The following PCSK2 variants were observed in gnomAD, a reference collection of about 807,000 sequenced individuals.
PCSK2 encodes neuroendocrine convertase 2.
Under a neutral mutation model 69.7 loss-of-function variants are expected in PCSK2, and 14 were observed. The ratio of observed to expected loss-of-function variants is 0.20; its 90% confidence interval spans 0.13 to 0.31. The LOEUF (loss-of-function observed/expected upper bound fraction) is 0.31, where lower values mean the gene tolerates loss of function less well. Among genes scored for constraint, PCSK2 ranks in the 10% least tolerant of loss-of-function variants. The pLI is 1.00. For synonymous variants in PCSK2, 307 were observed against 320.7 expected (o/e 0.96, Z 0.46); for missense variants, 544 against 842.5 (o/e 0.65, Z 4.39).
At chr20:17,367,424 A>T (rs1406463269) in intron 4 of PCSK2, among the ~76,000 whole-genome samples, 2 of 152,262 alleles carry the variant, frequency 1.3e-5, no homozygotes, top group African/African-American at 4.8e-5. Context: ...TTTCAAATAC[A>T]TGGAAACCAA....
intron 2 of PCSK2, among the ~76,000 whole-genome samples, chr20:17,303,440 AT>A (rs1266704641): frequency 1.6e-5 from 1 of 61,054 alleles, no homozygotes; most frequent in Admixed American, 2.0e-4. Flanking sequence ...AATATATAAT[AT>A]AATATATATT....
intron 5 of PCSK2, among the ~76,000 whole-genome samples, chr20:17,403,367 G>C (rs985351543): frequency 1.3e-5 from 2 of 152,208 alleles, no homozygotes; most frequent in African/African-American, 4.8e-5. Flanking sequence ...CGTTAAACCA[G>C]TGCATGTGGG....
chr20:17,464,224 G>A (rs2033061225), intron 10 of PCSK2: 1 of 152,114 alleles, frequency 6.6e-6, no homozygotes, highest in African/African-American at 2.4e-5. Flanking sequence ...GATCTTCAAT[G>A]CCCCTAGGAG....
chr20:17,339,405 T>C (rs1005650645), intron 2 of PCSK2, among the ~76,000 whole-genome samples: 5 of 152,204 alleles, frequency 3.3e-5, no homozygotes, highest in African/African-American at 1.2e-4. Context: ...ATTGAGCTCA[T>C]GATCCGTCGA....
chr20:17,266,840 CAT>C (rs1227628652), intron 2 of PCSK2, among the ~76,000 whole-genome samples: 1 of 152,094 alleles, frequency 6.6e-6, no homozygotes, highest in Non-Finnish European at 1.5e-5. Context: ...TCAAAGGAAA[CAT>C]AGTCTTAGGT....
intron 2 of PCSK2, among the ~76,000 whole-genome samples, chr20:17,283,329 G>A (rs533533859): frequency 2.0e-5 from 3 of 152,142 alleles, no homozygotes; most frequent in Non-Finnish European, 2.9e-5. Flanking sequence ...ACAAGCGGGG[G>A]CATTCAGGGT....
intron 5 of PCSK2, among the ~76,000 whole-genome samples, chr20:17,394,811 A>AC (rs2031473367): frequency 6.6e-6 from 1 of 152,190 alleles, no homozygotes. Flanking sequence ...GGCTATAATC[A>AC]CTTTTCCATA....
chr20:17,270,993 C>T (rs187786657), intron 2 of PCSK2, among the ~76,000 whole-genome samples: 2 of 152,166 alleles, frequency 1.3e-5, no homozygotes, highest in African/African-American at 4.8e-5. Flanking sequence ...ATCTGAGATT[C>T]CAGGGACTAA....
chr20:17,428,643 C>T (rs1292998810), intron 6 of PCSK2, among the ~76,000 whole-genome samples: 1 of 152,164 alleles, frequency 6.6e-6, no homozygotes, highest in Non-Finnish European at 1.5e-5. Flanking sequence ...CATACTCGCA[C>T]TGTCCCAGCA....
chr20:17,355,668 C>CAG lies in PCSK2; in HGVS notation c.283-2658_283-2657insGA, dbSNP rs1482162875. On this transcript the variant is annotated intron_variant, in intron 2 of 11. Transcript: ENST00000262545. ...GCACGCAAACACACACACACACACA[C>CAG]ACACACAGAGAGAGAGCTATGGGAA... is the stretch of plus-strand genomic sequence containing the variant. Among the ~76,000 whole-genome samples, 249 of 151,790 alleles carry CAG rather than the reference C, an allele frequency of 1.6e-3. 2 individuals carry two copies. The highest frequency in any genetic ancestry group is 5.0e-3 in the African/African-American group (206 of 41,276).
intron 2 of PCSK2, among the ~76,000 whole-genome samples, chr20:17,314,371 C>G (rs2123117448): frequency 6.6e-6 from 1 of 152,330 alleles, no homozygotes; most frequent in East Asian, 1.9e-4. Context: ...GGGAATGAAT[C>G]AAGCCGGGAG....
chr20:17,258,315 G>A (rs147568191), intron 1 of PCSK2, among the ~76,000 whole-genome samples: 1,557 of 152,220 alleles, frequency 0.01, 28 homozygotes, highest in African/African-American at 0.035. Context: ...AACACCCTTC[G>A]GGTTGCTGCA....
intron 2 of PCSK2, among the ~76,000 whole-genome samples, chr20:17,343,816 G>A (rs990056832): frequency 1.3e-5 from 2 of 152,216 alleles, no homozygotes; most frequent in African/African-American, 2.4e-5. Context: ...GCCAAGGAAT[G>A]AGGAAGCCTC....
chr20:17,266,103 A>T (rs1463236858), intron 2 of PCSK2, among the ~76,000 whole-genome samples: 1 of 152,230 alleles, frequency 6.6e-6, no homozygotes, highest in East Asian at 1.9e-4. Flanking sequence ...TCCTGAGTTT[A>T]TGTCACTTAT....
chr20:17,390,820 T>C (rs954958247), intron 5 of PCSK2, among the ~76,000 whole-genome samples: 36 of 152,206 alleles, frequency 2.4e-4, no homozygotes, highest in African/African-American at 8.4e-4. Flanking sequence ...TCCTCCTCTA[T>C]ACAACCCACT....
intron 2 of PCSK2, among the ~76,000 whole-genome samples, chr20:17,356,615 A>C (rs1017709354): frequency 2.0e-5 from 3 of 152,082 alleles, no homozygotes; most frequent in Non-Finnish European, 4.4e-5. Context: ...TCTGGTATCC[A>C]TTAGAGTTCT....
intron 2 of PCSK2, among the ~76,000 whole-genome samples, chr20:17,265,440 A>G (rs1050262861): frequency 6.6e-6 from 1 of 152,198 alleles, no homozygotes; most frequent in Non-Finnish European, 1.5e-5. Flanking sequence ...GAAATTTTCC[A>G]ATTTATCTTC....
At chr20:17,412,421 A>G (rs2031896033) in intron 6 of PCSK2, among the ~76,000 whole-genome samples, 1 of 152,240 alleles carries the variant, frequency 6.6e-6, no homozygotes, top group Non-Finnish European at 1.5e-5. Context: ...AAGTGGAAGA[A>G]AGGGTAACAG....
At chr20:17,471,355 A>T (rs1274615998) in intron 11 of PCSK2, among the ~76,000 whole-genome samples, 2 of 152,232 alleles carry the variant, frequency 1.3e-5, no homozygotes, top group South Asian at 4.1e-4. Flanking sequence ...AGATCAATGC[A>T]GTGTTTTCAA....
Sources: allele counts gnomAD v4.1 joint callset (sites outside exome capture counted in the v4.1 genomes callset), GRCh38; gene constraint gnomAD v4.1.1; transcripts MANE v1.5; gene names NCBI Gene and HGNC (gene_info 2026-07-23, HGNC 2026-07-21).